BLOC1S5: variants seen among roughly 807,000 people sequenced by gnomAD.
BLOC1S5 encodes biogenesis of lysosome-related organelles complex 1 subunit 5.
A neutral mutation model predicts 24.3 loss-of-function variants in BLOC1S5; 27 were observed. The observed-to-expected ratio is 1.11, with a 90% CI of 0.82 to 1.53. The LOEUF is 1.53. Ranked by LOEUF, BLOC1S5 falls within the 40% of genes most tolerant of loss-of-function variation. The pLI, the probability that BLOC1S5 is intolerant of heterozygous loss-of-function variation, is 0.00. For missense variants in BLOC1S5, 239 were observed against 229.4 expected (o/e 1.04, Z -0.27); for synonymous variants, 84 against 74.5 (o/e 1.13, Z -0.66).
At chr6:8,052,191 T>C (rs981109604) in intron 2 of BLOC1S5, among the ~76,000 whole-genome samples, 1 of 151,980 alleles carries the variant, frequency 6.6e-6, no homozygotes, top group Non-Finnish European at 1.5e-5. Flanking sequence ...ATGGTCTCGA[T>C]CTCCTGACCT....
chr6:8,041,652 T>C lies in BLOC1S5; in HGVS notation c.196-384A>G, dbSNP rs1279218349. 1.2e-4 allele frequency among the ~76,000 whole-genome samples: 10 copies of C among 85,680 alleles called. No homozygotes were observed. In the Admixed American group the frequency reaches 1.2e-3, roughly 11 times the overall value. The allele number at this position is 85,680 out of a possible 152,430, so 56.2% of individuals were successfully genotyped here. On this transcript the variant is annotated intron_variant, in intron 2 of 4. Coordinates refer to ENST00000397457, the MANE Select transcript of BLOC1S5 (RefSeq NM_201280.3). ...TCTTAGTAATTACTTTCTTTCTTTC[T>C]TTCTTTTTTTTTGAGATGCAGTCTC...
chr6:8,024,908 G>C (rs571983762), intron 4 of BLOC1S5, among the ~76,000 whole-genome samples: 2 of 152,342 alleles, frequency 1.3e-5, no homozygotes, highest in Admixed American at 6.5e-5. Context: ...CTTATAGCTA[G>C]CTAGTACAGG....
rs146491580 is a variant in BLOC1S5, at chr6:8,060,625, A to C, written c.195+1909T>G. Among the ~76,000 whole-genome samples the C allele has an allele frequency of 2.4e-4, 36 of 152,332 alleles. 1 individual carries two copies. The highest frequency in any genetic ancestry group is 8.4e-4 in the African/African-American group (35 of 41,558). The stretch of plus-strand genomic sequence containing the variant: ...GGTAGTGGCAAGAAAGATAAGTAGA[A>C]AGATTTAAGATATGTTTTAGAGGTA... On this transcript the variant is annotated intron_variant, in intron 2 of 4. Coordinates refer to ENST00000397457, the MANE Select transcript of BLOC1S5 (RefSeq NM_201280.3).
chr6:8,027,253 A>G, intron 3 of BLOC1S5: 1 of 442,066 alleles, frequency 2.3e-6, no homozygotes, highest in African/African-American at 2.0e-5. Context: ...AGTGAGCCTT[A>G]GTCAAATTTG....
At chr6:8,036,759 A>C (rs1240586812) in intron 3 of BLOC1S5, among the ~76,000 whole-genome samples, 2 of 152,156 alleles carry the variant, frequency 1.3e-5, no homozygotes, top group Non-Finnish European at 2.9e-5. Flanking sequence ...AATGAATGTA[A>C]AGGCAAAAAT....
chr6:8,019,407 T>A (rs1762847536), intron 4 of BLOC1S5, among the ~76,000 whole-genome samples: 2 of 152,094 alleles, frequency 1.3e-5, no homozygotes, highest in Non-Finnish European at 2.9e-5. Context: ...TAGCTGGGAT[T>A]ACAGGCAACC....
intron 1 of BLOC1S5, among the ~76,000 whole-genome samples, chr6:8,062,971 T>G (rs1757317945): frequency 6.6e-6 from 1 of 152,074 alleles, no homozygotes. Flanking sequence ...ACTCATACAA[T>G]GGAATTCTAT....
At chr6:8,064,085 G>A (rs746260248) in intron 1 of BLOC1S5, among the ~76,000 whole-genome samples, 180 bp downstream of exon 1, 17 of 152,216 alleles carry the variant, frequency 1.1e-4, no homozygotes, top group African/African-American at 3.6e-4. Context: ...TGGGCTGGTT[G>A]GTTGTGGTGG....
chr6:8,051,553 G>A (rs1468560803), intron 2 of BLOC1S5, among the ~76,000 whole-genome samples: 1 of 152,224 alleles, frequency 6.6e-6, no homozygotes, highest in Non-Finnish European at 1.5e-5. Context: ...GACTTCCAAT[G>A]TATATGAAAC....
chr6:8,028,637 A>AC (rs528501031), intron 3 of BLOC1S5, among the ~76,000 whole-genome samples: 92 of 152,118 alleles, frequency 6.0e-4, no homozygotes, highest in Non-Finnish European at 1.2e-3. Flanking sequence ...AACACATCTG[A>AC]CAAAGGTGCA....
intron 2 of BLOC1S5, among the ~76,000 whole-genome samples, chr6:8,058,061 T>C (rs1764377164): frequency 1.3e-5 from 2 of 152,216 alleles, no homozygotes; most frequent in African/African-American, 4.8e-5. Flanking sequence ...TATTTGTACA[T>C]GTCTTGTATG....
chr6:8,051,551 A>G (rs1294390081), intron 2 of BLOC1S5, among the ~76,000 whole-genome samples: 2 of 152,246 alleles, frequency 1.3e-5, no homozygotes, highest in Non-Finnish European at 1.5e-5. Context: ...CAGACTTCCA[A>G]TGTATATGAA....
At position 8,041,204 on chromosome 6, in the gene BLOC1S5, T is replaced by G. The variant is rs761312185; in HGVS notation, c.260A>C (p.Asn87Thr). 1.2e-6 allele frequency: 2 copies of G among 1,613,272 alleles called. No homozygotes were observed. The highest frequency in any genetic ancestry group is 1.7e-6 in the Non-Finnish European group (2 of 1,179,610). ...TCTACATTTGGGAAGAGTATGTTCA[T>G]TTGTTTCATGGATCATGTTCTTCAA... Reference protein sequence around the residue: ...ENLKNMIHETNEHTLPKCRDT... With the variant: ...ENLKNMIHETTEHTLPKCRDT... The change falls in exon 3 of 5, where the codon AAT becomes ACT. Residue 87 changes from asparagine (N) to threonine (T), a missense_variant. Physicochemically the swap from Asn to Thr is moderately conservative, Grantham distance 65 (BLOSUM62 0). Transcript: ENST00000397457.
At chr6:8,061,850 G>A (rs550852582) in intron 2 of BLOC1S5, among the ~76,000 whole-genome samples, 6 of 152,310 alleles carry the variant, frequency 3.9e-5, no homozygotes, top group Non-Finnish European at 5.9e-5. Flanking sequence ...CATCACTGTC[G>A]CTGGAACATA....
Position 8,060,719 on chromosome 6 carries a change from T to A in BLOC1S5, c.195+1815A>T, listed in dbSNP as rs192556641. 3.7e-4 allele frequency among the ~76,000 whole-genome samples: 57 copies of A among 152,326 alleles called. No individual in the cohort carries two copies. The East Asian group carries it at 0.011, about 28-fold the overall frequency. On this transcript the variant is annotated intron_variant, in intron 2 of 4. Coordinates refer to ENST00000397457, the MANE Select transcript of BLOC1S5 (RefSeq NM_201280.3). The stretch of plus-strand genomic sequence containing the variant: ...AAATATAACTCCCACATTTAAGAAC[T>A]AAATCCACACTCTATACATGTAAAA...
At chr6:8,029,392 T>C (rs1352753069) in intron 3 of BLOC1S5, among the ~76,000 whole-genome samples, 1 of 152,178 alleles carries the variant, frequency 6.6e-6, no homozygotes, top group Non-Finnish European at 1.5e-5. Context: ...TCTCCCTGAC[T>C]CATGGTTTCT....
chr6:8,027,069 C>G (rs1031392437), intron 3 of BLOC1S5: 2 of 253,438 alleles, frequency 7.9e-6, no homozygotes, highest in Non-Finnish European at 1.6e-5. Flanking sequence ...ATCTTTCTGG[C>G]TGTAAAGACT....
intron 4 of BLOC1S5, among the ~76,000 whole-genome samples, chr6:8,018,891 A>C (rs1450964699): frequency 1.3e-5 from 2 of 152,264 alleles, no homozygotes; most frequent in Non-Finnish European, 2.9e-5. Context: ...CAATAGAGAC[A>C]ACTCAAGAGC....
chr6:8,057,885 T>C (rs1420749952), intron 2 of BLOC1S5, among the ~76,000 whole-genome samples: 2 of 152,246 alleles, frequency 1.3e-5, no homozygotes, highest in African/African-American at 4.8e-5. Context: ...ACCCATTCTA[T>C]GAAAATTTCC....
Sources: allele counts gnomAD v4.1 joint callset (sites outside exome capture counted in the v4.1 genomes callset), GRCh38; gene constraint gnomAD v4.1.1; transcripts MANE v1.5; gene names NCBI Gene and HGNC (gene_info 2026-07-23, HGNC 2026-07-21).